Variants in NBEA observed in about 807,000 individuals in gnomAD.
The protein encoded by NBEA is lysosomal-trafficking regulator 2.
Under a neutral mutation model 343.4 loss-of-function variants are expected in NBEA, and 44 were observed. That is an observed-to-expected ratio of 0.13 (90% CI 0.10 to 0.16). NBEA has a LOEUF of 0.16. Among genes scored for constraint, NBEA ranks in the 10% least tolerant of loss-of-function variants. The pLI, the probability that NBEA is intolerant of heterozygous loss-of-function variation, is 1.00. For missense variants in NBEA, 2,555 were observed against 3,631.3 expected, an observed-to-expected ratio of 0.70 and a Z score of 7.62; for synonymous variants, 1,175 against 1,238.7, an observed-to-expected ratio of 0.95 and a Z score of 1.08.
In NBEA at chr13:35,472,438, C is replaced by T. The variant is rs1416075655; in HGVS notation, c.6487C>T (p.Pro2163Ser). The T allele has an allele frequency of 6.2e-6, 10 of 1,613,856 alleles. No individual in the cohort carries two copies. Among genetic ancestry groups the T allele is most frequent in the Non-Finnish European group, 8.5e-6 (10 of 1,179,902 alleles). The change falls in exon 41 of 59, where the codon CCC becomes TCC. Residue 2163 changes from proline to serine, a missense_variant. Physicochemically the swap from Pro to Ser is moderately conservative, Grantham distance 74 (BLOSUM62 -1). Around this residue, in one of 21 missense-constraint regions of NBEA, gnomAD observed 246 missense variants for 313.7 expected, o/e 0.78. Coordinates refer to ENST00000379939, the MANE Select transcript of NBEA (RefSeq NM_001385012.1). ...VLSTPAQLIA[P>S]VVVAKGTLSI... is the part of the protein sequence containing the mutation. Reference sequence around the variant, plus strand: ...CAGCACCCCTGCCCAGCTCATCGCTCCCGTGGTGGTGGCCAAGGGGACTCT... The same window carrying T: ...CAGCACCCCTGCCCAGCTCATCGCTTCCGTGGTGGTGGCCAAGGGGACTCT...
chr13:35,240,491 C>T (rs2030048213), intron 34 of NBEA, among the ~76,000 whole-genome samples: 1 of 151,804 alleles, frequency 6.6e-6, no homozygotes, highest in African/African-American at 2.4e-5. Context: ...AATAAAAGCA[C>T]ACCTGATTAA....
intron 33 of NBEA, among the ~76,000 whole-genome samples, chr13:35,222,595 C>G (rs990888034): frequency 3.3e-5 from 5 of 151,762 alleles, no homozygotes; most frequent in Non-Finnish European, 5.9e-5. Context: ...CCAATATTGT[C>G]TTATTGTAGA....
intron 55 of NBEA, among the ~76,000 whole-genome samples, chr13:35,658,450 C>A (rs187231609): frequency 6.6e-6 from 1 of 152,188 alleles, no homozygotes; most frequent in African/African-American, 2.4e-5. Flanking sequence ...AGTCAAGCAA[C>A]AGTATGTGTT....
intron 38 of NBEA, among the ~76,000 whole-genome samples, chr13:35,403,516 A>G (rs2043098411): frequency 6.6e-6 from 1 of 152,086 alleles, no homozygotes; most frequent in Admixed American, 6.6e-5. Flanking sequence ...AGGATTCCCT[A>G]TTTAATAAAT....
chr13:35,429,161 T>A (rs1003326741), intron 38 of NBEA, among the ~76,000 whole-genome samples: 1 of 152,092 alleles, frequency 6.6e-6, no homozygotes, highest in Non-Finnish European at 1.5e-5. Context: ...CTCCACATGG[T>A]CTCCACTGAC....
chr13:35,290,284 TA>T, intron 34 of NBEA, 104 bp from the exon 35 acceptor site: 2 of 703,606 alleles, frequency 2.8e-6, no homozygotes, highest in South Asian at 3.6e-5. Flanking sequence ...GAATTCTATT[TA>T]AAAGAAAGTT....
chr13:35,432,253 T>A lies in NBEA; in HGVS notation c.6180-16T>A, dbSNP rs1311591335. ...TTGTTATTAATAGGGATTACTTTTT[T>A]TCCCTCTACTCTTAGCCAATTGCAT... On this transcript the variant is annotated splice_polypyrimidine_tract_variant and intron_variant, in intron 38 of 58. Transcript: ENST00000379939. 6.3e-7 allele frequency: 1 copy of A among 1,581,660 alleles called. No homozygotes were observed. Among genetic ancestry groups the A allele is most frequent in the Non-Finnish European group, 8.6e-7 (1 of 1,162,166 alleles).
chr13:35,294,108 G>A (rs938104716), intron 35 of NBEA, among the ~76,000 whole-genome samples: 22 of 152,032 alleles, frequency 1.4e-4, no homozygotes, highest in African/African-American at 5.3e-4. Context: ...TTATTTTGTG[G>A]TTTGTTTGAA....
At chr13:35,203,638 TTGAATGAATGAG>T (rs1352319085) in intron 31 of NBEA, among the ~76,000 whole-genome samples, 2 of 152,172 alleles carry the variant, frequency 1.3e-5, no homozygotes, top group East Asian at 1.9e-4. Flanking sequence ...TAAATATTTG[TTGAATGAATGAG>T]TGAATGTATC....
chr13:35,661,117 G>T (rs139888845), intron 55 of NBEA, among the ~76,000 whole-genome samples: 2 of 152,154 alleles, frequency 1.3e-5, no homozygotes, highest in East Asian at 1.9e-4. Flanking sequence ...TGGGACTAAG[G>T]CTTCAAGAAA....
At chr13:35,254,145 A>T (rs2032303320) in intron 34 of NBEA, among the ~76,000 whole-genome samples, 1 of 151,950 alleles carries the variant, frequency 6.6e-6, no homozygotes, top group Non-Finnish European at 1.5e-5. Context: ...TTTTGGGGAA[A>T]CTATTATAAT....
chr13:35,537,041 A>T (rs2078591207), intron 41 of NBEA, among the ~76,000 whole-genome samples: 1 of 152,094 alleles, frequency 6.6e-6, no homozygotes, highest in Non-Finnish European at 1.5e-5. Flanking sequence ...GGGCAGGGGG[A>T]TAGGGTTGGA....
intron 41 of NBEA, among the ~76,000 whole-genome samples, chr13:35,542,226 C>T (rs536132418): frequency 7.3e-5 from 11 of 151,422 alleles, no homozygotes; most frequent in Non-Finnish European, 1.0e-4. Context: ...TAATAACATT[C>T]CTAAACACAG....
At chr13:35,118,139 T>C (rs1245065138) in intron 14 of NBEA, 89 bp from the exon 15 acceptor site, 8 of 880,660 alleles carry the variant, frequency 9.1e-6, no homozygotes, top group Non-Finnish European at 1.3e-5. Context: ...CTAACTCTTA[T>C]TTTCTTTTAC....
chr13:34,976,529 T>C (rs2060180711), intron 1 of NBEA, among the ~76,000 whole-genome samples: 1 of 152,138 alleles, frequency 6.6e-6, no homozygotes, highest in Non-Finnish European at 1.5e-5. Context: ...AAAGAACTTA[T>C]TTATGTAACT....
intron 10 of NBEA, among the ~76,000 whole-genome samples, chr13:35,093,703 G>A (rs1028157406): frequency 6.6e-6 from 1 of 151,942 alleles, no homozygotes; most frequent in Non-Finnish European, 1.5e-5. Context: ...GGGTTAGGAA[G>A]TTACATTATT....
Position 35,155,865 on chromosome 13 carries a change from T to C in NBEA, c.2527+10T>C, listed in dbSNP as rs763695012. 6 of 1,604,402 alleles carry C rather than the reference T, an allele frequency of 3.7e-6. No homozygotes were observed. The South Asian group carries it at 6.6e-5, about 18-fold the overall frequency. ...AAAATTCAGAATCCAAGTGAGCAAA[T>C]GGCAGTTCTTTACTGTATTGTGGTA... On this transcript the variant is annotated intron_variant, in intron 19 of 58. Coordinates refer to ENST00000379939, the MANE Select transcript of NBEA (RefSeq NM_001385012.1).
At chr13:35,092,054 G>A (rs563371636) in intron 10 of NBEA, among the ~76,000 whole-genome samples, 1 of 152,080 alleles carries the variant, frequency 6.6e-6, no homozygotes, top group South Asian at 2.1e-4. Flanking sequence ...TGAAGACCGA[G>A]TAATATTAGT....
chr13:35,219,537 A>G (rs1307650338), intron 33 of NBEA, among the ~76,000 whole-genome samples: 2 of 152,190 alleles, frequency 1.3e-5, no homozygotes, highest in Admixed American at 1.3e-4. Context: ...GTTTACATTC[A>G]TATGAATATA....
Sources: gnomAD v4.1 joint callset for allele counts (sites outside exome capture counted in the v4.1 genomes callset) on GRCh38, gnomAD v4.1.1 for gene constraint, gnomAD v4.1.1 regional missense constraint, MANE v1.5 for transcripts, NCBI Gene and HGNC (gene_info 2026-07-23, HGNC 2026-07-21) for gene names.